Variants in BUB1 observed in about 807,000 individuals in gnomAD.
BUB1 encodes the protein mitotic checkpoint serine/threonine-protein kinase BUB1.
A neutral mutation model predicts 135.2 loss-of-function variants in BUB1; 84 were observed. The observed-to-expected ratio is 0.62, with a 90% CI of 0.52 to 0.74. The LOEUF (loss-of-function observed/expected upper bound fraction) is 0.74. Ranked by LOEUF, BUB1 falls within the 30% of genes least tolerant of loss-of-function variation. The pLI, the probability that BUB1 is intolerant of heterozygous loss-of-function variation, is 0.00. For synonymous variants in BUB1, 403 were observed against 434.4 expected, an observed-to-expected ratio of 0.93 and a Z score of 0.90; for missense variants, 1,162 against 1,288.3, an observed-to-expected ratio of 0.90 and a Z score of 1.50.
chr2:110,676,809 C>G (rs1444998823), intron 1 of BUB1, among the ~76,000 whole-genome samples: 1 of 151,560 alleles, frequency 6.6e-6, no homozygotes, highest in Non-Finnish European at 1.5e-5. Context: ...CAAAAAGAAA[C>G]TAGAAAAACG....
In BUB1 at chr2:110,641,468, G is replaced by A. The variant is rs1689502304; in HGVS notation, c.2626-4C>T. On this transcript the variant is annotated splice_polypyrimidine_tract_variant and splice_region_variant and intron_variant, in intron 21 of 24. Transcript: ENST00000302759. ...TTTTATAGAGGTTAATGGCATTCTAGGAACAATGGAAAGTGGAATCCTGAG... is the reference window on the plus strand; with the variant it reads ...TTTTATAGAGGTTAATGGCATTCTAAGAACAATGGAAAGTGGAATCCTGAG... 6.3e-7 allele frequency: 1 copy of A among 1,597,312 alleles called. No individual in the cohort carries two copies. Among genetic ancestry groups the A allele is most frequent in the African/African-American group, 1.4e-5 (1 of 73,970 alleles).
At chr2:110,675,994 T>C (rs1690571846) in intron 1 of BUB1, among the ~76,000 whole-genome samples, 1 of 152,134 alleles carries the variant, frequency 6.6e-6, no homozygotes, top group African/African-American at 2.4e-5. Context: ...GGTATATGAA[T>C]GAAATCAATG....
chr2:110,666,908 C>A (rs1690274647), intron 8 of BUB1, among the ~76,000 whole-genome samples: 1 of 152,206 alleles, frequency 6.6e-6, no homozygotes, highest in Non-Finnish European at 1.5e-5. Flanking sequence ...GTCAAAGAGT[C>A]TGGCTTAAAA....
intron 1 of BUB1, among the ~76,000 whole-genome samples, chr2:110,676,213 AT>A: frequency 2.0e-5 from 3 of 152,262 alleles, no homozygotes; most frequent in African/African-American, 7.2e-5. Context: ...AGCAAAGGGC[AT>A]AATAAATTAT....
chr2:110,650,750 A>G lies in BUB1; in HGVS notation c.1999T>C (p.Ser667Pro). ...AAGGATGCTGAATACATGTGAGACG[A>G]CAAGGCCTGTTTTGGGCTTTTCTCT... Reference protein sequence around the residue: ...IQEKSPKQALSSHMYSASLLR... With the variant: ...IQEKSPKQALPSHMYSASLLR... The change falls in exon 18 of 25, where the codon TCG (serine) becomes CCG (proline). Residue 667 changes from serine to proline, a missense_variant. By Grantham distance (74) the Ser-to-Pro change is moderately conservative (BLOSUM62 -1). Coordinates refer to ENST00000302759, the MANE Select transcript of BUB1 (RefSeq NM_004336.5). 1.2e-6 allele frequency: 2 copies of G among 1,614,050 alleles called. No homozygotes were observed. Among genetic ancestry groups the G allele is most frequent in the Non-Finnish European group, 1.7e-6 (2 of 1,179,952 alleles).
intron 9 of BUB1, among the ~76,000 whole-genome samples, chr2:110,663,390 T>C (rs1429953831): frequency 6.6e-6 from 1 of 152,144 alleles, no homozygotes; most frequent in Admixed American, 6.5e-5. Context: ...ATATGAAAAT[T>C]TAGTACATGG....
At chr2:110,670,467 T>C (rs1690391548) in intron 5 of BUB1, 58 bp downstream of exon 5, 3 of 1,583,876 alleles carry the variant, frequency 1.9e-6, no homozygotes, top group Admixed American at 3.3e-5. Flanking sequence ...AAGAAAATAC[T>C]AGTACAAATC....
chr2:110,676,649 T>G (rs1404110175), intron 1 of BUB1: 2 of 152,144 alleles, frequency 1.3e-5, no homozygotes, highest in African/African-American at 4.8e-5. Flanking sequence ...AAGAAAGAAC[T>G]TTATGTATTG....
Position 110,666,273 on chromosome 2 carries a change from T to C in BUB1, c.947A>G (p.Glu316Gly). The C allele has an allele frequency of 7.0e-7, 1 of 1,436,586 alleles. No homozygotes were observed. The highest frequency in any genetic ancestry group is 1.8e-5 in the South Asian group (1 of 56,786). 89.0% of individuals were successfully genotyped at this position (1,436,586 alleles called of 1,614,324 possible). ...AGGAGCACAACATACCTCGGACCTT[T>C]CCTGGGAAGCGGGCAGATCCTCATG... ...TSHEDLPASQ[E>G]RSEVNPARMG... The change falls in exon 9 of 25, where the codon GAA becomes GGA. Residue 316 changes from glutamate (E) to glycine (G), a missense_variant. Physicochemically the swap from Glu to Gly is moderately conservative, Grantham distance 98 (BLOSUM62 -2). Coordinates refer to ENST00000302759, the MANE Select transcript of BUB1 (RefSeq NM_004336.5).
rs1316147373 is a variant in BUB1 at position 110,638,062 on chromosome 2, G to T, written c.3160C>A (p.Leu1054Met). 1.2e-6 allele frequency: 2 copies of T among 1,612,420 alleles called. No homozygotes were observed. Among genetic ancestry groups the T allele is most frequent in the Admixed American group, 1.7e-5 (1 of 59,818 alleles). ...LPSLDLLRQK[L>M]KKVFQQHYTN... ...TAGTGTTGTTGAAATACTTTCTTCA[G>T]CTTTTGCCTTAACAAATCCAAAGAT... The change falls in exon 25 of 25, where the codon CTG (leucine) becomes ATG (methionine). Residue 1054 changes from leucine to methionine, a missense_variant. Transcript: ENST00000302759.
intron 6 of BUB1, among the ~76,000 whole-genome samples, chr2:110,669,100 G>A (rs886206091): frequency 2.0e-5 from 3 of 152,198 alleles, no homozygotes; most frequent in Non-Finnish European, 2.9e-5. Flanking sequence ...TTGAAAGCCA[G>A]GCTCAGAAGC....
rs772588145 is a variant in BUB1, at chr2:110,649,230, T to C, written c.2347+4A>G. The stretch of plus-strand genomic sequence containing the variant: ...TAAAGTTATATTATCCAAATAATTC[T>C]TACCCAATTGAAATTCAGTCTTGGG... On this transcript the variant is annotated splice_donor_region_variant and intron_variant, in intron 19 of 24. Coordinates refer to ENST00000302759, the MANE Select transcript of BUB1 (RefSeq NM_004336.5). 6.2e-7 allele frequency: 1 copy of C among 1,604,440 alleles called. No homozygotes were observed. Among genetic ancestry groups the C allele is most frequent in the South Asian group, 1.1e-5 (1 of 90,060 alleles).
In BUB1 at chr2:110,650,168, C is replaced by A. The variant is rs538593143; in HGVS notation, c.2203+378G>T. Among the ~76,000 whole-genome samples the A allele has an allele frequency of 6.5e-5, 9 of 137,750 alleles. No individual in the cohort carries two copies. The South Asian group carries it at 1.4e-3, about 21-fold the overall frequency. The allele number at this position is 137,750 out of a possible 152,430, so 90.4% of individuals were successfully genotyped here. On this transcript the variant is annotated intron_variant, in intron 18 of 24. Coordinates refer to ENST00000302759, the MANE Select transcript of BUB1 (RefSeq NM_004336.5). Reference sequence around the variant, plus strand: ...CCATCTCCAGACTCTGTGCTCTTAACCACTATGCCAGACTGTTTATGTGTA... The same window carrying A: ...CCATCTCCAGACTCTGTGCTCTTAAACACTATGCCAGACTGTTTATGTGTA...
chr2:110,641,856 T>C (rs185227295), intron 20 of BUB1, 53 bp from the exon 21 acceptor site: 21 of 1,563,220 alleles, frequency 1.3e-5, no homozygotes, highest in Admixed American at 7.2e-5. Flanking sequence ...TGAAAAATGA[T>C]AGCAATAAAG....
chr2:110,666,178 C>T, intron 9 of BUB1, 85 bp downstream of exon 9: 1 of 1,248,140 alleles, frequency 8.0e-7, no homozygotes, highest in South Asian at 3.5e-5. Flanking sequence ...TCAGAATTAA[C>T]TCTAAAACAG....
intron 15 of BUB1, 52 bp from the exon 16 acceptor site, chr2:110,655,968 A>G (rs1171835861): frequency 6.6e-7 from 1 of 1,526,270 alleles, no homozygotes; most frequent in Admixed American, 1.8e-5. Flanking sequence ...TCTTTAGTCC[A>G]TGAAACCTTA....
chr2:110,662,148 C>T (rs1423309445), intron 9 of BUB1, among the ~76,000 whole-genome samples: 2 of 152,146 alleles, frequency 1.3e-5, no homozygotes, highest in Non-Finnish European at 2.9e-5. Context: ...TTTCTCTTTA[C>T]TTAATTTTGG....
intron 5 of BUB1, among the ~76,000 whole-genome samples, chr2:110,670,126 GTTTT>G (rs377459142): frequency 3.3e-5 from 4 of 120,860 alleles, no homozygotes; most frequent in African/African-American, 9.2e-5. Flanking sequence ...AATTGGATGG[GTTTT>G]TTTTTTTTTT....
intron 8 of BUB1, 140 bp downstream of exon 8, chr2:110,667,381 C>T (rs1467519844): frequency 3.2e-6 from 3 of 940,096 alleles, no homozygotes; most frequent in Non-Finnish European, 4.6e-6. Flanking sequence ...ATAATGATTT[C>T]TGGGCTTCTG....
Sources: gnomAD v4.1 joint callset for allele counts (sites outside exome capture counted in the v4.1 genomes callset) on GRCh38, gnomAD v4.1.1 for gene constraint, MANE v1.5 for transcripts, NCBI Gene and HGNC (gene_info 2026-07-23, HGNC 2026-07-21) for gene names.